Variants in SLC25A13 observed in about 807,000 individuals in gnomAD.
SLC25A13 encodes the protein solute carrier family 25 member 13.
A neutral mutation model predicts 85.5 loss-of-function variants in SLC25A13; 70 were observed. That is an observed-to-expected ratio of 0.82 (90% CI 0.68 to 1.00). SLC25A13 has a LOEUF of 1.00. Ranked by LOEUF, SLC25A13 falls within the 50% of genes least tolerant of loss-of-function variation. The pLI is 0.00. For missense variants in SLC25A13, 765 were observed against 819.8 expected, an observed-to-expected ratio of 0.93 and a Z score of 0.82; for synonymous variants, 259 against 288.7, an observed-to-expected ratio of 0.90 and a Z score of 1.04.
Position 96,321,961 on chromosome 7 carries a change from C to G in SLC25A13, c.-5G>C, listed in dbSNP as rs1326080453. 1.9e-6 allele frequency: 3 copies of G among 1,540,814 alleles called. No homozygotes were observed. Among genetic ancestry groups the G allele is most frequent in the Non-Finnish European group, 2.6e-6 (3 of 1,145,232 alleles). ...GGTTACCTTGGCGGCCGCCATGATT[C>G]GCCCCGGTTGCGGGCGACTGCGGGA... On this transcript the variant is annotated 5_prime_UTR_variant, in exon 1 of 18. Coordinates refer to ENST00000265631, the MANE Select transcript of SLC25A13 (RefSeq NM_014251.3).
At position 96,192,905 on chromosome 7, in the gene SLC25A13, G is replaced by C. The variant is rs1794912528; in HGVS notation, c.615+132C>G. 4 of 993,116 alleles carry C rather than the reference G, an allele frequency of 4.0e-6. No homozygotes were observed. In the South Asian group the frequency reaches 5.9e-5, roughly 15 times the overall value. 61.5% of individuals were successfully genotyped at this position (993,116 alleles called of 1,614,324 possible). A position where few individuals can be genotyped will look rare whatever the true frequency, so the allele number is the denominator to read the frequency against. ...AAAACACACTCTTTGTTTGAGTTTA[G>C]TAATGTATGTGATCACATTAAAATG... On this transcript the variant is annotated intron_variant, in intron 6 of 17. Transcript: ENST00000265631.
chr7:96,123,616 C>T (rs2116391536), intron 15 of SLC25A13, among the ~76,000 whole-genome samples: 1 of 152,272 alleles, frequency 6.6e-6, no homozygotes, highest in South Asian at 2.1e-4. Context: ...AATATGGCAA[C>T]TTGAACATAA....
At chr7:96,161,899 A>G (rs575041288) in intron 13 of SLC25A13, among the ~76,000 whole-genome samples, 1 of 152,244 alleles carries the variant, frequency 6.6e-6, no homozygotes, top group Non-Finnish European at 1.5e-5. Context: ...CTAGATTTTC[A>G]CTGAACTACA....
At chr7:96,182,483 CT>C (rs1172354071) in intron 11 of SLC25A13, among the ~76,000 whole-genome samples, 1 of 152,200 alleles carries the variant, frequency 6.6e-6, no homozygotes, top group Non-Finnish European at 1.5e-5. Flanking sequence ...GGGTGAAGAG[CT>C]GCCACTTGGG....
rs1173300769 is a variant in SLC25A13, at chr7:96,120,942, A to C, written c.*249T>G. ...CCCAAATCATGTTAGTGTTGACCAAATCCCATCAATTTTCAGATGCAAACA... is the reference window on the plus strand; with the variant it reads ...CCCAAATCATGTTAGTGTTGACCAACTCCCATCAATTTTCAGATGCAAACA... On this transcript the variant is annotated 3_prime_UTR_variant, in exon 18 of 18. Coordinates refer to ENST00000265631, the MANE Select transcript of SLC25A13 (RefSeq NM_014251.3). The C allele has an allele frequency of 3.3e-6, 2 of 609,450 alleles. No homozygotes were observed. Among genetic ancestry groups the C allele is most frequent in the African/African-American group, 3.6e-5 (2 of 55,254 alleles). 37.8% of individuals were successfully genotyped at this position (609,450 alleles called of 1,614,324 possible).
At chr7:96,134,338 C>A (rs758536914) in intron 14 of SLC25A13, among the ~76,000 whole-genome samples, 29 of 151,984 alleles carry the variant, frequency 1.9e-4, no homozygotes, top group Non-Finnish European at 3.2e-4. Context: ...CGCCTGGCCA[C>A]TTTTAGCTTT....
At chr7:96,217,230 T>C (rs1795932194) in intron 4 of SLC25A13, among the ~76,000 whole-genome samples, 1 of 152,162 alleles carries the variant, frequency 6.6e-6, no homozygotes, top group Non-Finnish European at 1.5e-5. Flanking sequence ...TAATAAGAAG[T>C]GTTGGTGAGG....
intron 5 of SLC25A13, among the ~76,000 whole-genome samples, chr7:96,199,457 G>A (rs554306944): frequency 6.6e-6 from 1 of 152,304 alleles, no homozygotes; most frequent in Admixed American, 6.5e-5. Context: ...AAAATGAAGT[G>A]TCTCTCTAAA....
At chr7:96,178,499 C>T (rs1444111792) in intron 11 of SLC25A13, among the ~76,000 whole-genome samples, 3 of 151,986 alleles carry the variant, frequency 2.0e-5, no homozygotes, top group African/African-American at 4.8e-5. Context: ...CAGAAGACAC[C>T]CCTATTCCTG....
chr7:96,139,276 C>G (rs1046611723), intron 14 of SLC25A13, among the ~76,000 whole-genome samples: 5 of 152,124 alleles, frequency 3.3e-5, no homozygotes, highest in Non-Finnish European at 7.4e-5. Context: ...TGCTCACTAC[C>G]TGGGTAACTG....
At position 96,283,567 on chromosome 7, in the gene SLC25A13, C is replaced by T. The variant is rs150656959; in HGVS notation, c.70-6229G>A. On this transcript the variant is annotated intron_variant, in intron 2 of 17. Coordinates refer to ENST00000265631, the MANE Select transcript of SLC25A13 (RefSeq NM_014251.3). ...AGGAGTCTACAATGCCCCCAGCATG[C>T]TGTTGGCACTGTTGTAAACAACAAG... The T allele has an allele frequency of 2.6e-3, 860 of 334,454 alleles. 10 individuals are homozygous for T. The highest frequency in any genetic ancestry group is 0.018 in the African/African-American group (813 of 46,360). The allele number at this position is 334,454 out of a possible 1,614,324, so 20.7% of individuals were successfully genotyped here.
rs1246270867 is a variant in SLC25A13, at chr7:96,120,890, T to A, written c.*301A>T. 1 of 515,958 alleles carries A rather than the reference T, an allele frequency of 1.9e-6. No individual in the cohort carries two copies. The highest frequency in any genetic ancestry group is 1.9e-5 in the African/African-American group (1 of 52,710). The allele number at this position is 515,958 out of a possible 1,614,324, so 32.0% of individuals were successfully genotyped here. On this transcript the variant is annotated 3_prime_UTR_variant, in exon 18 of 18. Coordinates refer to ENST00000265631, the MANE Select transcript of SLC25A13 (RefSeq NM_014251.3). ...AATCCTAGTTCAAGGAGGGGAGTAC[T>A]AATTTCTATTCTGACTTGCTCCTTT...
intron 11 of SLC25A13, among the ~76,000 whole-genome samples, chr7:96,174,598 T>C (rs1490247946): frequency 2.6e-5 from 4 of 152,252 alleles, no homozygotes; most frequent in Non-Finnish European, 4.4e-5. Context: ...ACTTGCTAGA[T>C]GTATTTTTCT....
At chr7:96,293,392 C>T (rs1019484225) in intron 2 of SLC25A13, among the ~76,000 whole-genome samples, 2 of 152,150 alleles carry the variant, frequency 1.3e-5, no homozygotes, top group African/African-American at 2.4e-5. Flanking sequence ...GTCTAAAACA[C>T]CAAAAGCAAT....
At position 96,125,174 on chromosome 7, in the gene SLC25A13, C is replaced by T. The variant is rs143911221; in HGVS notation, c.1592-3177G>A. On this transcript the variant is annotated intron_variant, in intron 15 of 17. Coordinates refer to ENST00000265631, the MANE Select transcript of SLC25A13 (RefSeq NM_014251.3). Reference sequence around the variant, plus strand: ...CACGATCTTGGCTCACTGCAACCTCCGCCTCCCAGGCTCAAGTGATTCTCC... The same window carrying T: ...CACGATCTTGGCTCACTGCAACCTCTGCCTCCCAGGCTCAAGTGATTCTCC... Among the ~76,000 whole-genome samples the T allele has an allele frequency of 4.4e-3, 676 of 152,218 alleles. 7 individuals carry two copies. The highest frequency in any genetic ancestry group is 0.016 in the African/African-American group (658 of 41,530).
intron 13 of SLC25A13, among the ~76,000 whole-genome samples, chr7:96,168,908 T>C (rs909731105): frequency 6.6e-6 from 1 of 152,164 alleles, no homozygotes; most frequent in African/African-American, 2.4e-5. Flanking sequence ...GGAGAGTAGT[T>C]ATGGGGAAGA....
intron 5 of SLC25A13, among the ~76,000 whole-genome samples, chr7:96,198,959 T>G (rs1000955161): frequency 2.0e-5 from 3 of 152,222 alleles, no homozygotes; most frequent in African/African-American, 7.2e-5. Flanking sequence ...AAAAGAAAGC[T>G]GAAGGTACAG....
chr7:96,206,147 C>T (rs1279047152), intron 5 of SLC25A13, among the ~76,000 whole-genome samples: 2 of 152,170 alleles, frequency 1.3e-5, no homozygotes, highest in African/African-American at 2.4e-5. Context: ...GCTGTCCCTA[C>T]GGCTGCTCCC....
Position 96,322,078 on chromosome 7 carries a change from G to T in SLC25A13, c.-122C>A, listed in dbSNP as rs1481749419. 1 of 1,356,412 alleles carries T rather than the reference G, an allele frequency of 7.4e-7. No individual in the cohort carries two copies. The allele number at this position is 1,356,412 out of a possible 1,614,324, so 84.0% of individuals were successfully genotyped here. A position where few individuals can be genotyped will look rare whatever the true frequency, so the allele number is the denominator to read the frequency against. On this transcript the variant is annotated 5_prime_UTR_variant, in exon 1 of 18. The change creates a new upstream start codon in the 5' untranslated region. Transcript: ENST00000265631. ...GTGGGGGCGGCGATACGGCCAGGCA[G>T]CGTGCGTTCCTGGCCTGCCTCCCCA...
Sources: allele counts gnomAD v4.1 joint callset (sites outside exome capture counted in the v4.1 genomes callset), GRCh38; gene constraint gnomAD v4.1.1; transcripts MANE v1.5; gene names NCBI Gene and HGNC (gene_info 2026-07-23, HGNC 2026-07-21).